Variants in UBAP2 observed in about 807,000 individuals in gnomAD.
UBAP2 encodes the protein ubiquitin associated protein 2.
UBAP2 carries 75 observed loss-of-function variants against 139.6 expected under a neutral mutation model. The ratio of observed to expected loss-of-function variants is 0.54; its 90% CI spans 0.45 to 0.65. The LOEUF is 0.65. Among genes scored for constraint, UBAP2 ranks in the 30% least tolerant of loss-of-function variants. UBAP2 has a pLI of 0.00. For missense variants in UBAP2, 1,368 were observed against 1,369.6 expected, an observed-to-expected ratio of 1.00 and a Z score of 0.02; for synonymous variants, 526 against 526.2, an observed-to-expected ratio of 1.00 and a Z score of 0.01.
intron 17 of UBAP2, chr9:33,935,606 G>A: frequency 1.7e-6 from 1 of 580,074 alleles, no homozygotes; most frequent in Non-Finnish European, 3.1e-6. Flanking sequence ...TGCACTTGTG[G>A]TGCAGTCTGA....
intron 6 of UBAP2, among the ~76,000 whole-genome samples, chr9:33,975,154 G>T (rs898120193): frequency 1.3e-5 from 2 of 151,764 alleles, no homozygotes; most frequent in Admixed American, 1.3e-4. Context: ...GTTGGCGGCC[G>T]GGCGTGGTGG....
chr9:33,988,938 GAA>G, intron 5 of UBAP2, 33 bp downstream of exon 5: 2 of 1,586,206 alleles, frequency 1.3e-6, no homozygotes, highest in South Asian at 1.2e-5. Context: ...TGAGATGAAA[GAA>G]GAGAAAAAAC....
chr9:33,945,186 T>C (rs902613759), intron 13 of UBAP2, among the ~76,000 whole-genome samples: 1 of 150,802 alleles, frequency 6.6e-6, no homozygotes, highest in Non-Finnish European at 1.5e-5. Flanking sequence ...TTGATATATA[T>C]ATATATATGA....
intron 10 of UBAP2, among the ~76,000 whole-genome samples, chr9:33,957,198 A>G (rs1437678948): frequency 6.6e-6 from 1 of 152,176 alleles, no homozygotes; most frequent in Non-Finnish European, 1.5e-5. Context: ...GTAATTTTAC[A>G]TTTCATTTTT....
At chr9:33,973,061 T>G in intron 7 of UBAP2, 122 bp downstream of exon 7, 1 of 854,176 alleles carries the variant, frequency 1.2e-6, no homozygotes, top group Non-Finnish European at 1.9e-6. Context: ...TGTAAATCTC[T>G]TTAAGTATAG....
chr9:34,003,380 T>C (rs1303953696), intron 2 of UBAP2, among the ~76,000 whole-genome samples: 1 of 151,082 alleles, frequency 6.6e-6, no homozygotes, highest in African/African-American at 2.4e-5. Flanking sequence ...GATGGCTTTT[T>C]TTTTTTTTTT....
intron 1 of UBAP2, among the ~76,000 whole-genome samples, chr9:34,048,572 C>G (rs1827830194): frequency 6.6e-6 from 1 of 152,102 alleles, no homozygotes; most frequent in African/African-American, 2.4e-5. Context: ...GGGTGGGGCC[C>G]AGCCGACCTG....
chr9:33,956,016 C>A, intron 11 of UBAP2, 63 bp downstream of exon 11: 2 of 1,334,890 alleles, frequency 1.5e-6, no homozygotes, highest in Non-Finnish European at 2.1e-6. Flanking sequence ...AAATACTTTT[C>A]CTGAGGCAAA....
At chr9:33,924,029 G>A in intron 23 of UBAP2, 29 bp from the exon 24 acceptor site, 1 of 1,611,688 alleles carries the variant, frequency 6.2e-7, no homozygotes, top group South Asian at 1.1e-5. Flanking sequence ...TCCAGCCACT[G>A]CCCTTCCTCC....
At chr9:33,943,319 T>G (rs1825391033) in intron 15 of UBAP2, 101 bp downstream of exon 15, 1 of 1,235,134 alleles carries the variant, frequency 8.1e-7, no homozygotes, top group South Asian at 1.6e-5. Context: ...AAGGTCTGGA[T>G]AAACACTGAG....
intron 1 of UBAP2, among the ~76,000 whole-genome samples, chr9:34,038,030 A>C (rs1209167662): frequency 6.8e-6 from 1 of 148,012 alleles, no homozygotes; most frequent in Non-Finnish European, 1.5e-5. Flanking sequence ...TTAGCTAGGC[A>C]CGGTGGCACA....
chr9:34,002,158 T>G (rs999265382), intron 2 of UBAP2, among the ~76,000 whole-genome samples: 1 of 151,780 alleles, frequency 6.6e-6, no homozygotes, highest in Non-Finnish European at 1.5e-5. Flanking sequence ...CTCACTGTGT[T>G]GCCCATGCTG....
intron 9 of UBAP2, among the ~76,000 whole-genome samples, chr9:33,962,203 C>T (rs1042373092): frequency 1.3e-5 from 2 of 152,118 alleles, no homozygotes; most frequent in African/African-American, 4.8e-5. Flanking sequence ...TTAAAGTACT[C>T]TAAAGCTTAA....
At chr9:34,000,036 C>T (rs895540938) in intron 2 of UBAP2, among the ~76,000 whole-genome samples, 6 of 152,058 alleles carry the variant, frequency 3.9e-5, no homozygotes, top group Non-Finnish European at 7.4e-5. Context: ...CAACCTCTGC[C>T]GCCCAGGTTC....
chr9:34,045,952 G>T (rs1193700072), intron 1 of UBAP2, among the ~76,000 whole-genome samples: 1 of 151,982 alleles, frequency 6.6e-6, no homozygotes, highest in Admixed American at 6.6e-5. Context: ...TGGAAAAAAC[G>T]GCTGCTTCTA....
At chr9:34,008,388 T>C (rs1169236224) in intron 2 of UBAP2, among the ~76,000 whole-genome samples, 1 of 151,316 alleles carries the variant, frequency 6.6e-6, no homozygotes, top group African/African-American at 2.4e-5. Flanking sequence ...TACCACCTTC[T>C]GGTTCCCTTT....
intron 4 of UBAP2, chr9:33,995,022 T>G (rs1211926767): frequency 6.6e-6 from 1 of 151,718 alleles, no homozygotes; most frequent in Non-Finnish European, 1.5e-5. Flanking sequence ...GGTGAGTCAT[T>G]TTTTTTTAAT....
At chr9:33,976,191 C>T (rs1828331315) in intron 6 of UBAP2, among the ~76,000 whole-genome samples, 1 of 151,688 alleles carries the variant, frequency 6.6e-6, no homozygotes, top group Non-Finnish European at 1.5e-5. Context: ...TAGCTTTTGG[C>T]AAGAATACAG....
chr9:33,927,243 G>A (rs2130862440), intron 20 of UBAP2, among the ~76,000 whole-genome samples, 163 bp from the exon 21 acceptor site: 1 of 152,314 alleles, frequency 6.6e-6, no homozygotes, highest in South Asian at 2.1e-4. Flanking sequence ...CAGTGAAGGG[G>A]AGACAGAAAG....
Sources: allele counts gnomAD v4.1 joint callset (sites outside exome capture counted in the v4.1 genomes callset), GRCh38; gene constraint gnomAD v4.1.1; transcripts MANE v1.5; gene names NCBI Gene and HGNC (gene_info 2026-07-23, HGNC 2026-07-21).